ACTN3: variants seen among roughly 807,000 people sequenced by gnomAD.
The protein encoded by ACTN3 is actinin alpha 3.
A neutral mutation model predicts 119.6 loss-of-function variants in ACTN3; 91 were observed. The ratio of observed to expected loss-of-function variants is 0.76; its 90% CI spans 0.64 to 0.91. The LOEUF is 0.91. Ranked by LOEUF, ACTN3 falls within the 40% of genes least tolerant of loss-of-function variation. The pLI is 0.00. For synonymous variants in ACTN3, 456 were observed against 478.8 expected (o/e 0.95, Z 0.62); for missense variants, 1,221 against 1,215.1 (o/e 1.00, Z -0.07).
In ACTN3 at chr11:66,559,304, C is replaced by A; in HGVS notation, c.1345C>A (p.Arg449=). The change falls in exon 12 of 21, where the codon CGG becomes AGG. Residue 449 remains arginine (R), a synonymous_variant. Coordinates refer to ENST00000513398, the MANE Select transcript of ACTN3 (RefSeq NM_001104.4). ...ALLQEVRALL[R]RHEAFESDLA... is the part of the protein sequence containing the mutation. ...GCTACAGGAGGTGCGGGCGTTGCTG[C>A]GGCGCCACGAGGCCTTTGAGAGCGA... The A allele has an allele frequency of 2.5e-6, 4 of 1,575,308 alleles. No homozygotes were observed. The highest frequency in any genetic ancestry group is 2.6e-6 in the Non-Finnish European group (3 of 1,162,980).
chr11:66,563,129 C>T lies in ACTN3; in HGVS notation c.2642C>T (p.Ala881Val), dbSNP rs779547906. The T allele has an allele frequency of 3.8e-5, 61 of 1,613,186 alleles. No individual in the cohort carries two copies. Among genetic ancestry groups the T allele is most frequent in the East Asian group, 1.6e-4 (7 of 44,878 alleles). Residue 881 changes from alanine to valine, a missense_variant, in exon 21 of 21, where the codon GCC (alanine) becomes GTC (valine). By Grantham distance (64) the Ala-to-Val change is moderately conservative. Transcript: ENST00000513398. Reference sequence around the variant, plus strand: ...ATGGTGCCCTACAAGGGATCCGGGGCCCCGGCTGGAGCCCTGGACTACGTG... The same window carrying T: ...ATGGTGCCCTACAAGGGATCCGGGGTCCCGGCTGGAGCCCTGGACTACGTG... The part of the protein sequence containing the change: ...RRMVPYKGSG[A>V]PAGALDYVAF...
Position 66,560,679 on chromosome 11 carries a change from C to A in ACTN3, c.1784C>A (p.Thr595Lys), listed in dbSNP as rs377076795. ...GGTGAGATCCAGAAGATCTGCCAGA[C>A]GTATGGGCTGCGGCCCTGCTCCACC... ...IQGEIQKICQ[T>K]YGLRPCSTNP... Residue 595 changes from threonine to lysine, a missense_variant, in exon 15 of 21, where the codon ACG (threonine) becomes AAG (lysine). Around this residue, in one of 3 missense-constraint regions of ACTN3, gnomAD observed 934 missense variants for 899.9 expected, o/e 1.04. Transcript: ENST00000513398. 4.1e-4 allele frequency: 654 copies of A among 1,613,954 alleles called. 6 individuals carry two copies. The South Asian group carries it at 6.7e-3, about 17-fold the overall frequency.
At chr11:66,548,792 G>A (rs561889786) in intron 1 of ACTN3, among the ~76,000 whole-genome samples, 7 of 152,166 alleles carry the variant, frequency 4.6e-5, no homozygotes, top group South Asian at 4.2e-4. Context: ...GCTGGAATTC[G>A]GCAGCAGACA....
chr11:66,558,035 C>G lies in ACTN3; in HGVS notation c.1137C>G (p.Ala379=), dbSNP rs551604700. ...PSEGKLVSDI[A]NAWRGLEQVE... ...CCCTGCCTGCTCCACAGGACATCGC[C>G]AACGCCTGGCGGGGGCTGGAGCAGG... Residue 379 remains alanine, a synonymous_variant, in exon 11 of 21, where the codon GCC becomes GCG. Transcript: ENST00000513398. 57 of 1,613,892 alleles carry G rather than the reference C, an allele frequency of 3.5e-5. No individual in the cohort carries two copies. In the Middle Eastern group the frequency reaches 6.6e-4, roughly 19 times the overall value.
chr11:66,551,415 G>A lies in ACTN3; in HGVS notation c.262+62G>A, dbSNP rs997008944. On this transcript the variant is annotated intron_variant, in intron 2 of 20. Transcript: ENST00000513398. ...CCCAGGAACATCTGGACAGCAGGGG[G>A]AATAGGGTGGCGGAGTGTTGGACGG... The A allele has an allele frequency of 1.9e-6, 3 of 1,566,366 alleles. No individual in the cohort carries two copies. The African/African-American group carries it at 4.1e-5, about 21-fold the overall frequency.
chr11:66,559,434 C>T, intron 12 of ACTN3, 48 bp downstream of exon 12: 2 of 1,412,130 alleles, frequency 1.4e-6, no homozygotes, highest in Non-Finnish European at 1.8e-6. Context: ...CGGCCCCGCC[C>T]CCGGTGGCGA....
intron 19 of ACTN3, 25 bp from the exon 20 acceptor site, chr11:66,562,771 T>C (rs374371617): frequency 8.2e-6 from 13 of 1,581,256 alleles, no homozygotes; most frequent in Non-Finnish European, 9.5e-6. Flanking sequence ...CTCATGGGCA[T>C]AGTGCCTGGC....
intron 17 of ACTN3, 154 bp from the exon 18 acceptor site, chr11:66,561,868 G>C (rs555564947): frequency 4.2e-5 from 21 of 497,124 alleles, no homozygotes; most frequent in African/African-American, 3.1e-4. Flanking sequence ...CTGCTGGGGT[G>C]GGGGTGGGTT....
intron 3 of ACTN3, among the ~76,000 whole-genome samples, chr11:66,552,878 TCTCA>T (rs1296085323): frequency 3.9e-4 from 28 of 72,020 alleles, no homozygotes; most frequent in Non-Finnish European, 6.9e-4. Context: ...TCTCTCTCTC[TCTCA>T]CACACACACA....
chr11:66,561,559 T>G lies in ACTN3; in HGVS notation c.2097T>G (p.Ile699Met). 6.2e-7 allele frequency: 1 copy of G among 1,612,734 alleles called. No homozygotes were observed. The highest frequency in any genetic ancestry group is 8.5e-7 in the Non-Finnish European group (1 of 1,179,432). The change falls in exon 17 of 21, where the codon ATT becomes ATG. Residue 699 changes from isoleucine to methionine, a missense_variant. Around this residue, in one of 3 missense-constraint regions of ACTN3, gnomAD observed 934 missense variants for 899.9 expected, o/e 1.04. Transcript: ENST00000513398. ...ACATTATCAACTACAAGACTAACAT[T>G]GACCGGCTGGAGGGTGACCACCAGC... ...EQNIINYKTN[I>M]DRLEGDHQLL...
intron 18 of ACTN3, 32 bp downstream of exon 18, chr11:66,562,200 C>T (rs759447761): frequency 1.9e-6 from 3 of 1,613,916 alleles, no homozygotes; most frequent in Non-Finnish European, 2.5e-6. Context: ...TGGGGTAAGA[C>T]ACTTGGGGGC....
chr11:66,551,207 C>A (rs778058555), intron 1 of ACTN3, 32 bp from the exon 2 acceptor site: 2 of 1,495,328 alleles, frequency 1.3e-6, no homozygotes, highest in African/African-American at 1.4e-5. Flanking sequence ...CAGAGCCAGT[C>A]GTAGGGTTTG....
chr11:66,546,689 C>A, upstream of ACTN3: 2 of 1,533,100 alleles, frequency 1.3e-6, no homozygotes, highest in Non-Finnish European at 1.7e-6. Flanking sequence ...AGCGCCCCAG[C>A]AGCGGAGCAG....
chr11:66,560,509 G>T, intron 14 of ACTN3, 64 bp from the exon 15 acceptor site: 2 of 1,548,302 alleles, frequency 1.3e-6, no homozygotes, highest in Non-Finnish European at 1.7e-6. Flanking sequence ...GCACACTGCT[G>T]CCCTTTCTGT....
chr11:66,557,103 A>T (rs759564141), intron 8 of ACTN3, 30 bp from the exon 9 acceptor site: 1 of 1,548,382 alleles, frequency 6.5e-7, no homozygotes, highest in Admixed American at 2.0e-5. Context: ...ATTTGCTTTA[A>T]TGCCAGCCTT....
intron 1 of ACTN3, 126 bp downstream of exon 1, chr11:66,547,210 G>A: frequency 8.4e-7 from 1 of 1,183,788 alleles, no homozygotes; most frequent in African/African-American, 1.6e-5. Flanking sequence ...CCCAGCCCAG[G>A]CTCTGCCCAT....
At chr11:66,557,577 G>A (rs1857618300) in intron 9 of ACTN3, 122 bp from the exon 10 acceptor site, 4 of 1,012,784 alleles carry the variant, frequency 3.9e-6, no homozygotes, top group Non-Finnish European at 5.8e-6. Context: ...TCCTGCTTTC[G>A]TAGTTGTCAA....
Position 66,561,519 on chromosome 11 carries a change from G to A in ACTN3, c.2057G>A (p.Arg686Gln), listed in dbSNP as rs375257311. 128 of 1,607,340 alleles carry A rather than the reference G, an allele frequency of 8.0e-5. No homozygotes were observed. Among genetic ancestry groups the A allele is most frequent in the Admixed American group, 1.0e-4 (6 of 58,900 alleles). ...GSLEEQMAGL[R>Q]QQEQNIINYK... ...CTGGAGGAGCAGATGGCTGGGCTAC[G>A]GCAGCAGGAGCAGAACATTATCAAC... Residue 686 changes from arginine to glutamine, a missense_variant, in exon 17 of 21, where the codon CGG becomes CAG. By Grantham distance (43) the Arg-to-Gln change is conservative. This residue lies in a region of ACTN3 where 934 missense variants were observed against 899.9 expected (regional missense o/e 1.04). Transcript: ENST00000513398.
At chr11:66,551,106 A>C (rs1221532399) in intron 1 of ACTN3, 133 bp from the exon 2 acceptor site, 2 of 739,794 alleles carry the variant, frequency 2.7e-6, no homozygotes, top group Non-Finnish European at 4.9e-6. Context: ...ACAGCAAGTC[A>C]GTGGCTGAGC....
Sources: gnomAD v4.1 joint callset for allele counts (sites outside exome capture counted in the v4.1 genomes callset) on GRCh38, gnomAD v4.1.1 for gene constraint, gnomAD v4.1.1 regional missense constraint, MANE v1.5 for transcripts, NCBI Gene and HGNC (gene_info 2026-07-23, HGNC 2026-07-21) for gene names.